SYNE2: variants seen among roughly 807,000 people sequenced by gnomAD.
SYNE2 encodes the protein spectrin repeat containing nuclear envelope protein 2.
A neutral mutation model predicts 856.3 loss-of-function variants in SYNE2; 431 were observed. That is an observed-to-expected ratio of 0.50 (90% CI 0.47 to 0.55). The LOEUF (loss-of-function observed/expected upper bound fraction) is 0.55, where lower values mean the gene tolerates loss of function less well. SYNE2 is among the 20% of genes least tolerant of loss of function. SYNE2 has a pLI of 0.00. For synonymous variants in SYNE2, 2,923 were observed against 2,872.3 expected (o/e 1.02, Z -0.56); for missense variants, 8,129 against 8,023.2 (o/e 1.01, Z -0.50).
chr14:64,224,952 G>C, intron 114 of SYNE2, 47 bp from the exon 115 acceptor site: 1 of 1,566,908 alleles, frequency 6.4e-7, no homozygotes, highest in South Asian at 1.1e-5. Context: ...TCATTGATAG[G>C]ACTAAACTGT....
intron 45 of SYNE2, among the ~76,000 whole-genome samples, chr14:64,042,294 A>G (rs1254329982): frequency 1.3e-5 from 2 of 152,256 alleles, no homozygotes; most frequent in Non-Finnish European, 2.9e-5. Flanking sequence ...GAATACTAAC[A>G]TATGTAGTGA....
At chr14:63,995,005 G>T in intron 22 of SYNE2, 39 bp from the exon 23 acceptor site, 2 of 1,319,070 alleles carry the variant, frequency 1.5e-6, no homozygotes, top group Admixed American at 2.0e-5. Context: ...TGTATATTTT[G>T]TTCTCATGGT....
chr14:64,064,476 G>A (rs1389176789), intron 50 of SYNE2, among the ~76,000 whole-genome samples: 1 of 146,694 alleles, frequency 6.8e-6, no homozygotes, highest in African/African-American at 2.5e-5. Context: ...TTGGACCGTT[G>A]TTAATCACAA....
intron 2 of SYNE2, among the ~76,000 whole-genome samples, chr14:63,914,773 GTGTTTTGTTT>G (rs369616920): frequency 3.6e-4 from 55 of 152,270 alleles, no homozygotes; most frequent in African/African-American, 1.3e-3. Flanking sequence ...TTTATTTAGT[GTGTTTTGTTT>G]TGTTTTGTTT....
upstream of SYNE2, among the ~76,000 whole-genome samples, chr14:63,852,300 G>T (rs909447089): frequency 1.3e-5 from 2 of 152,062 alleles, no homozygotes; most frequent in African/African-American, 2.4e-5. Flanking sequence ...ATCATCCTGG[G>T]TCCAAAGGGA....
intron 2 of SYNE2, among the ~76,000 whole-genome samples, chr14:63,915,999 G>A (rs1234396883): frequency 6.6e-6 from 1 of 151,790 alleles, no homozygotes; most frequent in Admixed American, 6.6e-5. Context: ...CATGCACAGT[G>A]GTCTAGGTGT....
chr14:64,200,452 A>T (rs1421366180), intron 99 of SYNE2, among the ~76,000 whole-genome samples: 1 of 152,180 alleles, frequency 6.6e-6, no homozygotes. Context: ...CCACAGTGCC[A>T]GGGGTTCTCA....
chr14:63,820,750 C>CTTT (rs201007276), intron 1 of SYNE2, among the ~76,000 whole-genome samples: 2 of 140,402 alleles, frequency 1.4e-5, no homozygotes, highest in Non-Finnish European at 1.6e-5. Flanking sequence ...CACAGGAGAA[C>CTTT]TTTTTTTTTT....
At chr14:64,192,150 C>T (rs1380251028) in intron 99 of SYNE2, among the ~76,000 whole-genome samples, 1 of 152,164 alleles carries the variant, frequency 6.6e-6, no homozygotes, top group Admixed American at 6.5e-5. Flanking sequence ...AGGCCTGCAA[C>T]TGGACTACCT....
At chr14:63,866,651 T>C (rs1436614282) in intron 1 of SYNE2, among the ~76,000 whole-genome samples, 2 of 152,126 alleles carry the variant, frequency 1.3e-5, no homozygotes, top group Non-Finnish European at 2.9e-5. Flanking sequence ...AATTGTAAGT[T>C]CTGTATTTGA....
intron 6 of SYNE2, among the ~76,000 whole-genome samples, chr14:63,944,296 ATATATATAT>A (rs2095980258): frequency 2.0e-5 from 3 of 147,386 alleles, no homozygotes; most frequent in Non-Finnish European, 3.0e-5. Context: ...ATATATATAT[ATATATATAT>A]ATAAATAAAT....
intron 32 of SYNE2, among the ~76,000 whole-genome samples, chr14:64,011,522 C>T (rs1388630345): frequency 2.0e-5 from 3 of 152,152 alleles, no homozygotes; most frequent in Admixed American, 6.5e-5. Context: ...GCCGTGTCCC[C>T]GATAGCAGTC....
chr14:64,168,213 C>T (rs1314953569), intron 92 of SYNE2, among the ~76,000 whole-genome samples: 1 of 152,184 alleles, frequency 6.6e-6, no homozygotes. Context: ...AAGCAATTCT[C>T]GTGCCTTACC....
chr14:64,170,107 T>C (rs1401912296), intron 93 of SYNE2, 121 bp from the exon 94 acceptor site: 6 of 923,962 alleles, frequency 6.5e-6, no homozygotes, highest in Non-Finnish European at 1.0e-5. Flanking sequence ...TGTTTAGAAG[T>C]TGGGATTTTT....
At chr14:63,842,474 T>TA (rs5809207) in intron 1 of SYNE2, among the ~76,000 whole-genome samples, 6 of 151,244 alleles carry the variant, frequency 4.0e-5, no homozygotes, top group African/African-American at 9.7e-5. Context: ...TTTTTTTTTT[T>TA]ATTGATACAG....
chr14:63,911,062 G>A (rs1016595466), intron 2 of SYNE2, among the ~76,000 whole-genome samples: 2 of 152,070 alleles, frequency 1.3e-5, no homozygotes, highest in African/African-American at 4.8e-5. Context: ...GCTTTTACTG[G>A]TCCAGTGCTT....
chr14:63,777,859 G>A (rs1887165827), intron 1 of SYNE2, among the ~76,000 whole-genome samples: 1 of 152,100 alleles, frequency 6.6e-6, no homozygotes, highest in Non-Finnish European at 1.5e-5. Flanking sequence ...GGTAGAGGCA[G>A]GGTCTTGCTA....
chr14:64,225,849 TTATAATG>T lies in SYNE2; in HGVS notation c.*326_*332del. On this transcript the variant is annotated 3_prime_UTR_variant, in exon 116 of 116. Transcript: ENST00000555002. ...CTGGTTTGTTTGTAAAACAGCATTA[TTATAATG>T]TAGGTATGGTCAATGAGCAGTGGTG... The T allele has an allele frequency of 1.7e-6, 1 of 580,714 alleles. No homozygotes were observed. Among genetic ancestry groups the T allele is most frequent in the Non-Finnish European group, 3.1e-6 (1 of 325,550 alleles). 36.0% of individuals were successfully genotyped at this position (580,714 alleles called of 1,614,324 possible).
chr14:64,061,397 G>A (rs1015805189), intron 49 of SYNE2, among the ~76,000 whole-genome samples: 10 of 152,164 alleles, frequency 6.6e-5, no homozygotes, highest in Admixed American at 5.9e-4. Context: ...TAAATATCTA[G>A]GAGTGTGATC....
Sources: gnomAD v4.1 joint callset for allele counts (sites outside exome capture counted in the v4.1 genomes callset) on GRCh38, gnomAD v4.1.1 for gene constraint, MANE v1.5 for transcripts, NCBI Gene and HGNC (gene_info 2026-07-23, HGNC 2026-07-21) for gene names.